Variants in CNTLN observed in about 807,000 individuals in gnomAD.
CNTLN encodes the protein centlein.
Under a neutral mutation model 180.0 loss-of-function variants are expected in CNTLN, and 212 were observed. That is an observed-to-expected ratio of 1.18 (90% CI 1.05 to 1.32). The LOEUF (loss-of-function observed/expected upper bound fraction) is 1.32. CNTLN is among the 40% of genes most tolerant of loss of function. The pLI is 0.00. For synonymous variants in CNTLN, 722 were observed against 563.1 expected (o/e 1.28, Z -3.99); for missense variants, 2,095 against 1,610.9 (o/e 1.30, Z -5.14).
At chr9:17,135,458 A>C (rs774380695) in intron 1 of CNTLN, 33 bp downstream of exon 1, 2 of 1,567,212 alleles carry the variant, frequency 1.3e-6, no homozygotes, top group Non-Finnish European at 1.7e-6. Flanking sequence ...CCCTTTCCCC[A>C]CCACAGCGGG....
At chr9:17,418,144 A>T (rs1828409975) in intron 18 of CNTLN, among the ~76,000 whole-genome samples, 1 of 151,918 alleles carries the variant, frequency 6.6e-6, no homozygotes, top group African/African-American at 2.4e-5. Flanking sequence ...TTTTCTTTAG[A>T]TGATAGAAAG....
intron 5 of CNTLN, among the ~76,000 whole-genome samples, chr9:17,270,948 T>C (rs1827893423): frequency 2.3e-5 from 1 of 42,670 alleles, no homozygotes; most frequent in Non-Finnish European, 4.3e-5. Flanking sequence ...AGAGGAGTTC[T>C]TTTTTTTTTT....
rs142525152 is a variant in CNTLN at position 17,251,816 on chromosome 9, A to G, written c.849+15228A>G. 3.0e-4 allele frequency among the ~76,000 whole-genome samples: 46 copies of G among 151,970 alleles called. No homozygotes were observed. The East Asian group carries it at 8.5e-3, about 28-fold the overall frequency. On this transcript the variant is annotated intron_variant, in intron 5 of 25. Coordinates refer to ENST00000380647, the MANE Select transcript of CNTLN (RefSeq NM_017738.4). ...CCAAGTATAGGAACCTGAGTGTGCT[A>G]TCAAACACTAGAACTTATTTCTTCC... is the stretch of plus-strand genomic sequence containing the variant.
At position 17,495,027 on chromosome 9, in the gene CNTLN, T is replaced by A. The variant is rs1009706710; in HGVS notation, c.4120-7524T>A. 3 of 408,814 alleles carry A rather than the reference T, an allele frequency of 7.3e-6. No individual in the cohort carries two copies. In the East Asian group the frequency reaches 2.3e-4, roughly 31 times the overall value. The allele number at this position is 408,814 out of a possible 1,614,324, so 25.3% of individuals were successfully genotyped here. A position where few individuals can be genotyped will look rare whatever the true frequency, so the allele number is the denominator to read the frequency against. ...CTGAGTAGCTGGGACTACAGGTGCG[T>A]GCCACCATGCCCAGCTAATTTTTTT... On this transcript the variant is annotated intron_variant, in intron 25 of 25. Coordinates refer to ENST00000380647, the MANE Select transcript of CNTLN (RefSeq NM_017738.4).
chr9:17,140,045 A>G (rs1817977898), intron 1 of CNTLN, among the ~76,000 whole-genome samples: 1 of 152,192 alleles, frequency 6.6e-6, no homozygotes, highest in African/African-American at 2.4e-5. Flanking sequence ...TGCCTGAAGG[A>G]AGGGAAAATA....
chr9:17,431,832 C>G (rs1829434953), intron 18 of CNTLN, among the ~76,000 whole-genome samples: 1 of 152,098 alleles, frequency 6.6e-6, no homozygotes, highest in South Asian at 2.1e-4. Flanking sequence ...CAGAAGGAAG[C>G]AACACATTTT....
the CNTLN span, among the ~76,000 whole-genome samples, chr9:17,514,263 C>T: frequency 6.6e-6 from 1 of 152,014 alleles, no homozygotes; most frequent in South Asian, 2.1e-4. Context: ...TGGGCTGAGA[C>T]TGCATCACTG....
intron 18 of CNTLN, among the ~76,000 whole-genome samples, chr9:17,417,852 G>C (rs986591518): frequency 6.6e-6 from 1 of 151,836 alleles, no homozygotes; most frequent in African/African-American, 2.4e-5. Context: ...GTAGTATCAA[G>C]TAAGAAATCC....
At chr9:17,218,664 CAAATG>C (rs1237934849) in intron 2 of CNTLN, among the ~76,000 whole-genome samples, 1 of 152,078 alleles carries the variant, frequency 6.6e-6, no homozygotes, top group African/African-American at 2.4e-5. Flanking sequence ...GTTCTCTACT[CAAATG>C]AAAGAAAACG....
chr9:17,298,674 C>T, intron 7 of CNTLN: 1 of 1,011,768 alleles, frequency 9.9e-7, no homozygotes, highest in Non-Finnish European at 1.2e-6. Flanking sequence ...AATTCCTCGG[C>T]CTGCTATTAC....
chr9:17,294,492 G>A (rs371902923), intron 6 of CNTLN, among the ~76,000 whole-genome samples: 6 of 151,376 alleles, frequency 4.0e-5, no homozygotes, highest in East Asian at 2.0e-4. Context: ...GTAGACACAC[G>A]GTGCTGATTG....
At chr9:17,239,788 G>A (rs1825377804) in intron 5 of CNTLN, among the ~76,000 whole-genome samples, 1 of 152,042 alleles carries the variant, frequency 6.6e-6, no homozygotes, top group African/African-American at 2.4e-5. Context: ...TAAATATAAG[G>A]GTTCATTTTT....
At chr9:17,222,337 G>A (rs1824191128) in intron 2 of CNTLN, among the ~76,000 whole-genome samples, 1 of 151,964 alleles carries the variant, frequency 6.6e-6, no homozygotes, top group South Asian at 2.1e-4. Flanking sequence ...AATTGATATG[G>A]TTAGGCTCTG....
At chr9:17,158,572 C>T (rs991332143) in intron 2 of CNTLN, among the ~76,000 whole-genome samples, 12 of 151,818 alleles carry the variant, frequency 7.9e-5, no homozygotes, top group African/African-American at 2.9e-4. Context: ...TAGGTTGATT[C>T]AGATTTTCTA....
chr9:17,489,431 A>G (rs2134346219), intron 25 of CNTLN, among the ~76,000 whole-genome samples: 1 of 152,186 alleles, frequency 6.6e-6, no homozygotes, highest in Non-Finnish European at 1.5e-5. Context: ...TGATAAAATT[A>G]TTGGAAAACC....
chr9:17,163,974 A>G (rs1033095811), intron 2 of CNTLN, among the ~76,000 whole-genome samples: 38 of 151,696 alleles, frequency 2.5e-4, no homozygotes, highest in African/African-American at 9.2e-4. Flanking sequence ...AGCTGAATTC[A>G]TGCCACTGCA....
At chr9:17,443,602 G>A (rs189999489) in intron 18 of CNTLN, among the ~76,000 whole-genome samples, 8 of 152,244 alleles carry the variant, frequency 5.3e-5, no homozygotes, top group East Asian at 3.9e-4. Flanking sequence ...CAGGAGAGAC[G>A]TTCATAGCTT....
intron 10 of CNTLN, among the ~76,000 whole-genome samples, 167 bp from the exon 11 acceptor site, chr9:17,340,660 G>C (rs946353089): frequency 6.6e-6 from 1 of 152,126 alleles, no homozygotes; most frequent in Non-Finnish European, 1.5e-5. Flanking sequence ...AATGTATTCT[G>C]TGACTAGAGA....
chr9:17,214,295 A>C (rs1433224472), intron 2 of CNTLN, among the ~76,000 whole-genome samples: 1 of 152,086 alleles, frequency 6.6e-6, no homozygotes, highest in Non-Finnish European at 1.5e-5. Flanking sequence ...AAAGTATTTT[A>C]TTTCTCCTTC....
Sources: allele counts gnomAD v4.1 joint callset (sites outside exome capture counted in the v4.1 genomes callset), GRCh38; gene constraint gnomAD v4.1.1; transcripts MANE v1.5; gene names NCBI Gene and HGNC (gene_info 2026-07-23, HGNC 2026-07-21).